SIL1: variants seen among roughly 807,000 people sequenced by gnomAD.
The protein encoded by SIL1 is nucleotide exchange factor SIL1.
In SIL1, 40 loss-of-function variants were observed where a neutral mutation model predicts 49.1. That is an observed-to-expected ratio of 0.81 (90% CI 0.63 to 1.06). The LOEUF (loss-of-function observed/expected upper bound fraction) is 1.06, where lower values mean the gene tolerates loss of function less well. SIL1 is among the 50% of genes least tolerant of loss of function. The pLI is 0.00. For missense variants in SIL1, 500 were observed against 572.6 expected, an observed-to-expected ratio of 0.87 and a Z score of 1.29; for synonymous variants, 253 against 250.8, an observed-to-expected ratio of 1.01 and a Z score of -0.08.
At chr5:139,166,990 T>C (rs1034445438) in intron 1 of SIL1, among the ~76,000 whole-genome samples, 5 of 151,908 alleles carry the variant, frequency 3.3e-5, no homozygotes, top group African/African-American at 4.8e-5. Context: ...TTTTTTGTAT[T>C]TTTAGTAGAG....
At chr5:139,078,447 A>G (rs993082926) in intron 3 of SIL1, among the ~76,000 whole-genome samples, 1 of 152,140 alleles carries the variant, frequency 6.6e-6, no homozygotes, top group Non-Finnish European at 1.5e-5. Context: ...GATTTTTAGA[A>G]TATAGGTCTT....
intron 7 of SIL1, among the ~76,000 whole-genome samples, chr5:138,979,425 G>T (rs986603749): frequency 2.6e-5 from 4 of 152,168 alleles, no homozygotes; most frequent in African/African-American, 9.7e-5. Flanking sequence ...CATGTAAAAA[G>T]AAACACCTAT....
intron 1 of SIL1, among the ~76,000 whole-genome samples, chr5:139,195,629 C>T (rs1244099829): frequency 1.3e-5 from 2 of 152,246 alleles, no homozygotes; most frequent in African/African-American, 2.4e-5. Context: ...CCTCGTGATC[C>T]GCCCACCTTG....
intron 1 of SIL1, among the ~76,000 whole-genome samples, chr5:139,172,988 G>A (rs1751805513): frequency 6.6e-6 from 1 of 151,652 alleles, no homozygotes; most frequent in Admixed American, 6.6e-5. Flanking sequence ...CCAGGATGTT[G>A]CAACACCACA....
At chr5:139,027,593 C>A (rs777225082) in intron 5 of SIL1, among the ~76,000 whole-genome samples, 2 of 152,212 alleles carry the variant, frequency 1.3e-5, no homozygotes, top group Non-Finnish European at 2.9e-5. Flanking sequence ...ATGTACTATA[C>A]TCAAATCTCG....
chr5:139,181,399 A>AC (rs1751979767), intron 1 of SIL1, among the ~76,000 whole-genome samples: 1 of 151,740 alleles, frequency 6.6e-6, no homozygotes, highest in Admixed American at 6.6e-5. Flanking sequence ...ATTGTTGAAA[A>AC]CCCCCGCAGG....
At chr5:139,018,417 T>G (rs1768445571) in intron 7 of SIL1, among the ~76,000 whole-genome samples, 9 of 151,908 alleles carry the variant, frequency 5.9e-5, no homozygotes, top group Admixed American at 5.2e-4. Context: ...TGGTGAAACC[T>G]TGCCTCTACA....
intron 3 of SIL1, among the ~76,000 whole-genome samples, chr5:139,111,876 G>C (rs549632318): frequency 2.0e-5 from 3 of 151,948 alleles, no homozygotes; most frequent in Non-Finnish European, 4.4e-5. Context: ...CTCTTTCCAC[G>C]GTCTCCCTCT....
At chr5:139,047,276 G>A (rs1769187069) in intron 4 of SIL1, among the ~76,000 whole-genome samples, 1 of 152,206 alleles carries the variant, frequency 6.6e-6, no homozygotes, top group Non-Finnish European at 1.5e-5. Flanking sequence ...AAAGCCTAAA[G>A]CATAAATAGC....
intron 1 of SIL1, among the ~76,000 whole-genome samples, chr5:139,162,109 G>A (rs1751525511): frequency 6.6e-6 from 1 of 151,990 alleles, no homozygotes; most frequent in Non-Finnish European, 1.5e-5. Flanking sequence ...CAAACATACA[G>A]GCCCTACGAA....
At chr5:139,174,541 G>A (rs1031676480) in intron 1 of SIL1, among the ~76,000 whole-genome samples, 1 of 152,050 alleles carries the variant, frequency 6.6e-6, no homozygotes. Context: ...GTTGGGCCAG[G>A]TATGGTGGCA....
chr5:139,041,492 G>A (rs1193937064), intron 5 of SIL1, among the ~76,000 whole-genome samples: 1 of 152,116 alleles, frequency 6.6e-6, no homozygotes, highest in Non-Finnish European at 1.5e-5. Flanking sequence ...TTCAGGGGAA[G>A]GAGTGAAGAG....
chr5:139,018,031 G>T (rs1768438215), intron 7 of SIL1, among the ~76,000 whole-genome samples: 2 of 152,166 alleles, frequency 1.3e-5, no homozygotes, highest in African/African-American at 4.8e-5. Context: ...AGCTTGACCT[G>T]CCTTATATGT....
intron 3 of SIL1, among the ~76,000 whole-genome samples, chr5:139,102,595 T>C (rs553742193): frequency 1.2e-4 from 18 of 151,922 alleles, no homozygotes; most frequent in Non-Finnish European, 2.1e-4. Flanking sequence ...AGTATCCTAC[T>C]TCCAATATAA....
chr5:139,005,567 G>A lies in SIL1; in HGVS notation c.767+15604C>T, dbSNP rs184835383. 5.7e-3 allele frequency among the ~76,000 whole-genome samples: 709 copies of A among 124,754 alleles called. 6 individuals are homozygous for A. Among genetic ancestry groups the A allele is most frequent in the African/African-American group, 0.021 (678 of 31,664 alleles). The allele number at this position is 124,754 out of a possible 152,430, so 81.8% of individuals were successfully genotyped here. ...GCTGCGCCCACTAACTCATCATCTA[G>A]CATTAGGTATATCTCCCAATGCTAT... On this transcript the variant is annotated intron_variant, in intron 7 of 9. Coordinates refer to ENST00000394817, the MANE Select transcript of SIL1 (RefSeq NM_022464.5).
chr5:139,135,755 C>A (rs1439791660), intron 1 of SIL1, among the ~76,000 whole-genome samples: 1 of 150,202 alleles, frequency 6.7e-6, no homozygotes. Flanking sequence ...AAAGTTAGTG[C>A]ATCCAATGAA....
At chr5:138,994,341 A>G (rs1008183156) in intron 7 of SIL1, among the ~76,000 whole-genome samples, 4 of 152,202 alleles carry the variant, frequency 2.6e-5, no homozygotes, top group African/African-American at 9.7e-5. Context: ...ATTATAAAAT[A>G]AAAACTTGAA....
chr5:139,073,789 G>C (rs1207872770), intron 3 of SIL1, among the ~76,000 whole-genome samples: 1 of 151,946 alleles, frequency 6.6e-6, no homozygotes, highest in African/African-American at 2.4e-5. Context: ...CGCCAGGCTT[G>C]GTGGTGGGCA....
intron 7 of SIL1, among the ~76,000 whole-genome samples, chr5:138,972,595 G>A (rs1295299565): frequency 6.6e-6 from 1 of 152,160 alleles, no homozygotes; most frequent in African/African-American, 2.4e-5. Context: ...CTTCAGCACA[G>A]GCTGGAACCA....
Sources: allele counts gnomAD v4.1 joint callset (sites outside exome capture counted in the v4.1 genomes callset), GRCh38; gene constraint gnomAD v4.1.1; transcripts MANE v1.5; gene names NCBI Gene and HGNC (gene_info 2026-07-23, HGNC 2026-07-21).